Variants in RNF38 observed in about 807,000 individuals in gnomAD.
RNF38 encodes the protein ring finger protein 38, also known as E3 ubiquitin-protein ligase RNF38.
Under a neutral mutation model 67.2 loss-of-function variants are expected in RNF38, and 15 were observed. The observed-to-expected ratio is 0.22, with a 90% CI of 0.15 to 0.34. RNF38 has a LOEUF of 0.34. Ranked by LOEUF, RNF38 falls within the 10% of genes least tolerant of loss-of-function variation. The pLI is 1.00. For synonymous variants in RNF38, 220 were observed against 218.8 expected (o/e 1.01, Z -0.05); for missense variants, 524 against 639.9 (o/e 0.82, Z 1.95).
chr9:36,480,709 A>G (rs1218651565), intron 1 of RNF38, among the ~76,000 whole-genome samples: 2 of 150,524 alleles, frequency 1.3e-5, no homozygotes, highest in African/African-American at 4.9e-5. Context: ...GTGCCACCAC[A>G]CCCAGCTAAT....
upstream of RNF38, chr9:36,487,647 G>A (rs920266281): frequency 3.0e-4 from 274 of 901,488 alleles, 2 homozygotes; most frequent in Middle Eastern, 5.6e-4. Flanking sequence ...CAGCGGTGGC[G>A]GCGACGGAGG....
chr9:36,426,142 T>C (rs1315344031), intron 1 of RNF38, among the ~76,000 whole-genome samples: 1 of 152,246 alleles, frequency 6.6e-6, no homozygotes, highest in Non-Finnish European at 1.5e-5. Flanking sequence ...AAAATTCTCT[T>C]TCAGAATCGG....
chr9:36,373,325 ACTG>A (rs1052179022), intron 3 of RNF38, among the ~76,000 whole-genome samples: 1 of 152,234 alleles, frequency 6.6e-6, no homozygotes, highest in Non-Finnish European at 1.5e-5. Context: ...AACTATTGCT[ACTG>A]CTATCAACAT....
At chr9:36,438,942 C>T (rs1449767896) in intron 1 of RNF38, among the ~76,000 whole-genome samples, 1 of 152,192 alleles carries the variant, frequency 6.6e-6, no homozygotes, top group African/African-American at 2.4e-5. Context: ...GCCTTGAGTA[C>T]TGCTAAACAC....
intron 1 of RNF38, among the ~76,000 whole-genome samples, chr9:36,450,777 G>C (rs1839418029): frequency 6.6e-6 from 1 of 152,098 alleles, no homozygotes; most frequent in Admixed American, 6.6e-5. Context: ...GGCCTGGCGT[G>C]GTGGTTCATG....
chr9:36,342,966 C>T (rs1832958805), intron 10 of RNF38, among the ~76,000 whole-genome samples: 1 of 152,144 alleles, frequency 6.6e-6, no homozygotes, highest in African/African-American at 2.4e-5. Flanking sequence ...CTAAAATCTG[C>T]AGATGTTCAA....
At chr9:36,482,352 CCT>C (rs1491245367) in intron 1 of RNF38, among the ~76,000 whole-genome samples, 4 of 39,970 alleles carry the variant, frequency 1.0e-4, no homozygotes, top group Non-Finnish European at 1.7e-4. Flanking sequence ...TGTGCCCAGA[CCT>C]TTTTTTTTTT....
intron 2 of RNF38, among the ~76,000 whole-genome samples, chr9:36,378,976 C>CCGCA (rs751659872): frequency 1.3e-5 from 2 of 151,724 alleles, no homozygotes; most frequent in Admixed American, 6.6e-5. Flanking sequence ...TCTCGGCTCA[C>CCGCA]CGCAACCTCT....
At chr9:36,368,912 C>T (rs1206792754) in intron 4 of RNF38, among the ~76,000 whole-genome samples, 1 of 151,894 alleles carries the variant, frequency 6.6e-6, no homozygotes, top group Non-Finnish European at 1.5e-5. Context: ...TCAGAAACTC[C>T]ACAGAAAAGA....
intron 2 of RNF38, among the ~76,000 whole-genome samples, chr9:36,413,745 T>G (rs1317170935): frequency 6.6e-6 from 1 of 152,236 alleles, no homozygotes; most frequent in African/African-American, 2.4e-5. Context: ...AGTTCTTGAT[T>G]TGATTCTCAT....
intron 1 of RNF38, among the ~76,000 whole-genome samples, chr9:36,481,016 CTTTTT>C (rs1160092271): frequency 5.9e-5 from 8 of 136,192 alleles, no homozygotes; most frequent in African/African-American, 2.1e-4. Context: ...TCTTCTCTTT[CTTTTT>C]TTTTTTTTTT....
In RNF38 at chr9:36,432,785, C is replaced by A. The variant is rs145028484; in HGVS notation, n.242-8102G>T. Among the ~76,000 whole-genome samples the A allele has an allele frequency of 1.1e-3, 173 of 152,110 alleles. 4 individuals carry two copies. Among genetic ancestry groups the A allele is most frequent in the East Asian group, 0.01 (54 of 5,172 alleles). On this transcript the variant is annotated intron_variant and non_coding_transcript_variant, in intron 1 of 3. Transcript: ENST00000488058. Reference sequence around the variant, plus strand: ...ACAGTGAGACTCAAAAAACAAACAACAACAAAAACAAAACAAAAAAACAAA... The same window carrying A: ...ACAGTGAGACTCAAAAAACAAACAAAAACAAAAACAAAACAAAAAAACAAA...
At chr9:36,370,853 G>C (rs1341889019) in intron 3 of RNF38, among the ~76,000 whole-genome samples, 1 of 152,010 alleles carries the variant, frequency 6.6e-6, no homozygotes, top group Non-Finnish European at 1.5e-5. Context: ...AGGCTGTAGT[G>C]AGCTGAGATC....
chr9:36,443,023 T>A (rs1484620627), intron 1 of RNF38, among the ~76,000 whole-genome samples: 1 of 152,218 alleles, frequency 6.6e-6, no homozygotes, highest in African/African-American at 2.4e-5. Context: ...TCCCTCCACA[T>A]GGAAATGTGA....
At chr9:36,389,997 T>C (rs1344503766) in intron 2 of RNF38, among the ~76,000 whole-genome samples, 1 of 152,198 alleles carries the variant, frequency 6.6e-6, no homozygotes, top group African/African-American at 2.4e-5. Flanking sequence ...TCATTTTATA[T>C]TTAAAAAAAA....
At chr9:36,392,455 G>A (rs1202460692) in intron 1 of RNF38, among the ~76,000 whole-genome samples, 3 of 152,184 alleles carry the variant, frequency 2.0e-5, no homozygotes, top group African/African-American at 7.2e-5. Flanking sequence ...TATAGAGACA[G>A]GCCAAATGCA....
intron 1 of RNF38, among the ~76,000 whole-genome samples, chr9:36,399,289 C>CT (rs1286648386): frequency 1.3e-5 from 2 of 152,088 alleles, no homozygotes; most frequent in African/African-American, 2.4e-5. Context: ...TTAAGTCCAA[C>CT]TTTTTTTATA....
At chr9:36,417,656 G>A (rs1271793641) in intron 2 of RNF38, among the ~76,000 whole-genome samples, 1 of 151,942 alleles carries the variant, frequency 6.6e-6, no homozygotes, top group African/African-American at 2.4e-5. Flanking sequence ...GATTACAGGC[G>A]TGCACCACTA....
chr9:36,417,701 G>A (rs932969834), intron 2 of RNF38, among the ~76,000 whole-genome samples: 4 of 152,098 alleles, frequency 2.6e-5, no homozygotes, highest in African/African-American at 9.7e-5. Flanking sequence ...AGTAGAGACA[G>A]GGTTTCACCA....
Sources: allele counts gnomAD v4.1 joint callset (sites outside exome capture counted in the v4.1 genomes callset), GRCh38; gene constraint gnomAD v4.1.1; transcripts MANE v1.5; gene names NCBI Gene and HGNC (gene_info 2026-07-23, HGNC 2026-07-21).